Variants in PCNT observed in about 807,000 individuals in gnomAD.
The protein encoded by PCNT is kendrin.
In PCNT, 319 loss-of-function variants were observed where a neutral mutation model predicts 380.4. The ratio of observed to expected loss-of-function variants is 0.84; its 90% confidence interval spans 0.77 to 0.92. The LOEUF (loss-of-function observed/expected upper bound fraction) is 0.92, where lower values mean the gene tolerates loss of function less well. Ranked by LOEUF, PCNT falls within the 40% of genes least tolerant of loss-of-function variation. PCNT has a pLI of 0.00. For synonymous variants in PCNT, 1,845 were observed against 1,735.2 expected, an observed-to-expected ratio of 1.06 and a Z score of -1.57; for missense variants, 4,400 against 4,255.3, an observed-to-expected ratio of 1.03 and a Z score of -0.95.
rs748829693 is a variant in PCNT, at chr21:46,425,867, A to T, written c.7216A>T (p.Ile2406Phe). Residue 2406 changes from isoleucine to phenylalanine, a missense_variant, in exon 33 of 47, where the codon ATC becomes TTC. Physicochemically the swap from Ile to Phe is conservative, Grantham distance 21 (BLOSUM62 0). Transcript: ENST00000359568. The surrounding 1 kb of genome is among the most constrained non-coding windows in gnomAD (Gnocchi z 4.2). ...GATGGTGCGTGACGAGAGCCACCAG[A>T]TCCTGGCGCTGTCAGAAGGCCTTGC... The part of the protein sequence containing the change: ...LQMVRDESHQ[I>F]LALSEGLAPP... 1 of 1,613,724 alleles carries T rather than the reference A, an allele frequency of 6.2e-7. No homozygotes were observed.
At chr21:46,381,890 A>G (rs1217188828) in intron 16 of PCNT, 50 bp downstream of exon 16, 6 of 1,598,158 alleles carry the variant, frequency 3.8e-6, no homozygotes, top group Non-Finnish European at 5.1e-6. Flanking sequence ...TAGCATAAAA[A>G]TCATTTTCAC....
At position 46,431,714 on chromosome 21, in the gene PCNT, G is replaced by C; in HGVS notation, c.8250G>C (p.Glu2750Asp). ...AGCTCCAGAAGGACCTTGCGGCTGA[G>C]AAGAGCCGCACCCTGGAGCTGTCAG... ...LSELQKDLAA[E>D]KSRTLELSEA... is the part of the protein sequence containing the mutation. Residue 2750 changes from glutamate to aspartate, a missense_variant, in exon 38 of 47, where the codon GAG becomes GAC. Coordinates refer to ENST00000359568, the MANE Select transcript of PCNT (RefSeq NM_006031.6). 1.2e-6 allele frequency: 2 copies of C among 1,612,202 alleles called. No homozygotes were observed. Among genetic ancestry groups the C allele is most frequent in the Non-Finnish European group, 1.7e-6 (2 of 1,179,692 alleles).
intron 26 of PCNT, among the ~76,000 whole-genome samples, 172 bp downstream of exon 26, chr21:46,401,893 C>T (rs1265617907): frequency 9.9e-5 from 15 of 152,154 alleles, no homozygotes; most frequent in Admixed American, 9.8e-4. Flanking sequence ...TCTTGTTGCC[C>T]AGGCTGGAGT....
chr21:46,386,945 C>T (rs2085859107), intron 17 of PCNT, among the ~76,000 whole-genome samples: 1 of 152,216 alleles, frequency 6.6e-6, no homozygotes, highest in African/African-American at 2.4e-5. Context: ...CTGCTGCTCC[C>T]ATCTGTGTGT....
chr21:46,425,537 C>T lies in PCNT; in HGVS notation c.7180-294C>T, dbSNP rs1335114935. Among the ~76,000 whole-genome samples, 1 of 152,230 alleles carries T rather than the reference C, an allele frequency of 6.6e-6. No homozygotes were observed. The highest frequency in any genetic ancestry group is 6.5e-5 in the Admixed American group (1 of 15,290). ...CTTAGGCGGGGGACGGTGTCCCCCT[C>T]AGGGAGCAGGTGGAGTGGAGGAAGT... On this transcript the variant is annotated intron_variant, in intron 32 of 46. Coordinates refer to ENST00000359568, the MANE Select transcript of PCNT (RefSeq NM_006031.6). The surrounding 1 kb of genome is among the most constrained non-coding windows in gnomAD (Gnocchi z 4.2).
chr21:46,337,895 A>G (rs1019261493), intron 3 of PCNT, among the ~76,000 whole-genome samples: 6 of 150,280 alleles, frequency 4.0e-5, no homozygotes, highest in African/African-American at 1.5e-4. Context: ...TTTTTTTGAG[A>G]CAGTGTCTTG....
chr21:46,415,930 A>G (rs2087008967), intron 29 of PCNT, 139 bp from the exon 30 acceptor site: 2 of 753,568 alleles, frequency 2.7e-6, no homozygotes, highest in Non-Finnish European at 2.2e-6. Flanking sequence ...AGAATTAAAT[A>G]AACTTGAAAT....
chr21:46,421,911 TC>T (rs921392957), intron 31 of PCNT, 58 bp from the exon 32 acceptor site: 14 of 1,596,792 alleles, frequency 8.8e-6, no homozygotes, highest in African/African-American at 1.3e-5. Flanking sequence ...CTGCAGTGCG[TC>T]CCCTGGGGAA....
chr21:46,435,699 C>T (rs1386644800), intron 38 of PCNT, among the ~76,000 whole-genome samples: 2 of 152,068 alleles, frequency 1.3e-5, no homozygotes, highest in Non-Finnish European at 2.9e-5. Context: ...CCCGCCACCA[C>T]GCCCGGCTAA....
chr21:46,407,364 C>CG (rs1293275687), intron 27 of PCNT, among the ~76,000 whole-genome samples: 1 of 30,780 alleles, frequency 3.2e-5, no homozygotes, highest in East Asian at 6.6e-4. Flanking sequence ...TTTTTTGAGA[C>CG]GGAGTCTTGC....
Position 46,416,592 on chromosome 21 carries a change from G to C in PCNT, c.6674G>C (p.Ser2225Thr). The C allele has an allele frequency of 6.2e-7, 1 of 1,606,196 alleles. No individual in the cohort carries two copies. Among genetic ancestry groups the C allele is most frequent in the Non-Finnish European group, 8.5e-7 (1 of 1,176,240 alleles). The change falls in exon 30 of 47, where the codon AGC becomes ACC. Residue 2225 changes from serine to threonine, a missense_variant. Physicochemically the swap from Ser to Thr is moderately conservative, Grantham distance 58. Transcript: ENST00000359568. Reference sequence around the variant, plus strand: ...GGGATGCTGGACCTGTCTTCCTGGAGCTCCCCTGAGGTCCTCAGGAAGGAC... The same window carrying C: ...GGGATGCTGGACCTGTCTTCCTGGACCTCCCCTGAGGTCCTCAGGAAGGAC... ...PVGMLDLSSW[S>T]SPEVLRKDWT...
rs147932399 is a variant in PCNT at position 46,379,861 on chromosome 21, G to A, written c.3166-1833G>A. 7.1e-3 allele frequency among the ~76,000 whole-genome samples: 1,078 copies of A among 152,268 alleles called. 8 individuals carry two copies. Among genetic ancestry groups the A allele is most frequent in the Middle Eastern group, 0.014 (4 of 294 alleles). ...GGCTCTGGCGGGCGGTGGACAGCCT[G>A]GCCCTGGCCTTCACCCCTGCTGTGC... On this transcript the variant is annotated intron_variant, in intron 15 of 46. Coordinates refer to ENST00000359568, the MANE Select transcript of PCNT (RefSeq NM_006031.6).
chr21:46,397,965 G>C lies in PCNT; in HGVS notation c.4447-49G>C, dbSNP rs185021737. On this transcript the variant is annotated intron_variant, in intron 22 of 46. Coordinates refer to ENST00000359568, the MANE Select transcript of PCNT (RefSeq NM_006031.6). ...CCTGGGTGGACCTTCGCTGCAAGGG[G>C]CACGCCAGCCCCGTTGGGGTGGTCC... 6.5e-4 allele frequency: 950 copies of C among 1,452,238 alleles called. 3 individuals are homozygous for C. In the African/African-American group the frequency reaches 0.011, roughly 16 times the overall value. The allele number at this position is 1,452,238 out of a possible 1,614,324, so 90.0% of individuals were successfully genotyped here.
intron 13 of PCNT, among the ~76,000 whole-genome samples, chr21:46,361,465 G>T (rs1034755546): frequency 2.0e-5 from 3 of 152,240 alleles, no homozygotes; most frequent in Non-Finnish European, 4.4e-5. Context: ...GAGTCACCAT[G>T]ATGCTGCGTT....
intron 15 of PCNT, among the ~76,000 whole-genome samples, chr21:46,378,143 A>T (rs1199513186): frequency 6.6e-6 from 1 of 151,860 alleles, no homozygotes; most frequent in African/African-American, 2.4e-5. Context: ...TTCCTTTACC[A>T]TACGGTGGTC....
chr21:46,426,915 C>T (rs2087532444), intron 33 of PCNT, among the ~76,000 whole-genome samples: 1 of 152,204 alleles, frequency 6.6e-6, no homozygotes, highest in South Asian at 2.1e-4. Context: ...CTGGAACGCA[C>T]AGGGTGTGCT....
At chr21:46,367,209 G>C (rs1294399681) in intron 15 of PCNT, 70 bp downstream of exon 15, 4 of 1,351,222 alleles carry the variant, frequency 3.0e-6, no homozygotes, top group Non-Finnish European at 4.2e-6. Context: ...TCCACCGCGT[G>C]TCACATGTCT....
At chr21:46,436,855 T>C in intron 39 of PCNT, 124 bp from the exon 40 acceptor site, 1 of 761,712 alleles carries the variant, frequency 1.3e-6, no homozygotes, top group East Asian at 2.7e-5. Flanking sequence ...CTGGACGAAG[T>C]GATTCACACA....
rs1569318880 is a variant in PCNT at position 46,445,650 on chromosome 21, G to A, written c.*323G>A. 2.8e-6 allele frequency: 1 copy of A among 352,716 alleles called. No homozygotes were observed. The highest frequency in any genetic ancestry group is 5.1e-6 in the Non-Finnish European group (1 of 194,850). 21.8% of individuals were successfully genotyped at this position (352,716 alleles called of 1,614,324 possible). A position where few individuals can be genotyped will look rare whatever the true frequency, so the allele number is the denominator to read the frequency against. Reference sequence around the variant, plus strand: ...CCTGCCTCCAAGGAGGATACACAGAGAATGGCTTCCTGTTGTTTTGTTTAT... The same window carrying A: ...CCTGCCTCCAAGGAGGATACACAGAAAATGGCTTCCTGTTGTTTTGTTTAT... On this transcript the variant is annotated 3_prime_UTR_variant, in exon 47 of 47. Transcript: ENST00000359568.
Sources: gnomAD v4.1 joint callset for allele counts (sites outside exome capture counted in the v4.1 genomes callset) on GRCh38, gnomAD v4.1.1 for gene constraint, Gnocchi (gnomAD v3.1) non-coding constraint, MANE v1.5 for transcripts, NCBI Gene and HGNC (gene_info 2026-07-23, HGNC 2026-07-21) for gene names.